MNAT1: variants seen among roughly 807,000 people sequenced by gnomAD.
The protein encoded by MNAT1 is CDK-activating kinase assembly factor MAT1.
Under a neutral mutation model 42.0 loss-of-function variants are expected in MNAT1, and 43 were observed. The observed-to-expected ratio is 1.02, with a 90% CI of 0.80 to 1.32. The LOEUF is 1.32. Ranked by LOEUF, MNAT1 falls within the 40% of genes most tolerant of loss-of-function variation. The probability of loss-of-function intolerance (pLI) is 0.00; values close to 1 mark genes in which losing one functional copy is unlikely to be tolerated. For synonymous variants in MNAT1, 118 were observed against 120.0 expected, an observed-to-expected ratio of 0.98 and a Z score of 0.11; for missense variants, 306 against 350.4, an observed-to-expected ratio of 0.87 and a Z score of 1.01.
intron 7 of MNAT1, among the ~76,000 whole-genome samples, chr14:60,931,884 T>C (rs2035893425): frequency 6.6e-6 from 1 of 152,038 alleles, no homozygotes; most frequent in Non-Finnish European, 1.5e-5. Flanking sequence ...GAATTAATTA[T>C]ATACTCCCTT....
At chr14:60,744,897 G>GT (rs1214443970) in intron 1 of MNAT1, among the ~76,000 whole-genome samples, 1 of 152,080 alleles carries the variant, frequency 6.6e-6, no homozygotes, top group Non-Finnish European at 1.5e-5. Context: ...GGGAACTCTA[G>GT]GTATACCCAG....
At chr14:60,921,571 A>T (rs972954684) in intron 7 of MNAT1, among the ~76,000 whole-genome samples, 15 of 152,156 alleles carry the variant, frequency 9.9e-5, no homozygotes, top group Admixed American at 2.6e-4. Flanking sequence ...GTCTTAAGTT[A>T]GGAAGCCACT....
intron 6 of MNAT1, among the ~76,000 whole-genome samples, chr14:60,828,472 A>G (rs2033118178): frequency 6.6e-6 from 1 of 151,984 alleles, no homozygotes; most frequent in South Asian, 2.1e-4. Flanking sequence ...TAGGAAAAAA[A>G]CAACTCATTT....
At chr14:60,909,796 T>A (rs556023285) in intron 7 of MNAT1, among the ~76,000 whole-genome samples, 2 of 152,288 alleles carry the variant, frequency 1.3e-5, no homozygotes, top group Admixed American at 1.3e-4. Context: ...AGGATTGACT[T>A]GGCGATGCGG....
chr14:60,914,186 AG>A lies in MNAT1; in HGVS notation c.809+34354del, dbSNP rs367807469. On this transcript the variant is annotated intron_variant, in intron 7 of 7. Coordinates refer to ENST00000261245, the MANE Select transcript of MNAT1 (RefSeq NM_002431.4). ...AAGCCTGTTGGAAGAGCGCAGTATT[AG>A]GGTGGGAGTGACCCAATTTTCCAGG... Among the ~76,000 whole-genome samples the A allele has an allele frequency of 5.2e-3, 780 of 151,410 alleles. 14 individuals carry two copies. Among genetic ancestry groups the A allele is most frequent in the African/African-American group, 0.018 (732 of 41,244 alleles).
intron 5 of MNAT1, among the ~76,000 whole-genome samples, chr14:60,813,150 A>G (rs933534737): frequency 1.3e-5 from 2 of 152,232 alleles, no homozygotes; most frequent in Non-Finnish European, 2.9e-5. Flanking sequence ...TTGAGGCAAC[A>G]TGCCTGGTCT....
intron 1 of MNAT1, chr14:60,779,945 T>G (rs1401011947): frequency 7.0e-7 from 1 of 1,438,482 alleles, no homozygotes; most frequent in African/African-American, 1.4e-5. Flanking sequence ...AGCGCGTGCC[T>G]TTGTTTGTGT....
chr14:60,745,503 G>T (rs1013719186), intron 1 of MNAT1, among the ~76,000 whole-genome samples: 3 of 152,130 alleles, frequency 2.0e-5, no homozygotes, highest in African/African-American at 7.2e-5. Context: ...TGCAACCTTT[G>T]CCTCCCGGGT....
At chr14:60,815,515 G>A (rs992639865) in intron 5 of MNAT1, among the ~76,000 whole-genome samples, 9 of 152,176 alleles carry the variant, frequency 5.9e-5, no homozygotes, top group Admixed American at 3.3e-4. Context: ...GCGCCCAGCC[G>A]CATATTCTTT....
At chr14:60,968,162 C>A in intron 7 of MNAT1, 67 bp from the exon 8 acceptor site, 1 of 1,219,576 alleles carries the variant, frequency 8.2e-7, no homozygotes, top group Non-Finnish European at 1.2e-6. Flanking sequence ...TTTACTATTG[C>A]TTTTTAAAAT....
intron 3 of MNAT1, among the ~76,000 whole-genome samples, chr14:60,803,656 T>A (rs1449973587): frequency 6.6e-6 from 1 of 152,152 alleles, no homozygotes; most frequent in Non-Finnish European, 1.5e-5. Flanking sequence ...GAACTCGATC[T>A]TATAGGTAGA....
At chr14:60,880,167 A>G (rs1273121350) in intron 7 of MNAT1, 1 of 173,718 alleles carries the variant, frequency 5.8e-6, no homozygotes, top group Non-Finnish European at 1.2e-5. Context: ...AGCCAATAAA[A>G]ATATGAATTG....
At chr14:60,769,664 G>GT (rs1000403672) in intron 1 of MNAT1, among the ~76,000 whole-genome samples, 10 of 151,620 alleles carry the variant, frequency 6.6e-5, no homozygotes, top group Admixed American at 1.3e-4. Context: ...AAAAAAATTT[G>GT]TTTTTTTTAG....
chr14:60,965,016 G>T (rs1486925935), intron 7 of MNAT1, among the ~76,000 whole-genome samples: 2 of 152,156 alleles, frequency 1.3e-5, no homozygotes, highest in East Asian at 3.9e-4. Context: ...GGTTGCCGTG[G>T]TGAAAATAGT....
intron 1 of MNAT1, among the ~76,000 whole-genome samples, chr14:60,752,358 T>C (rs1444691645): frequency 6.6e-6 from 1 of 152,238 alleles, no homozygotes; most frequent in African/African-American, 2.4e-5. Context: ...TTTTTAATAT[T>C]TGCATTTTTT....
At chr14:60,806,747 A>G (rs1186771059) in intron 3 of MNAT1, among the ~76,000 whole-genome samples, 2 of 152,088 alleles carry the variant, frequency 1.3e-5, no homozygotes, top group Non-Finnish European at 2.9e-5. Flanking sequence ...TGGATCTGGT[A>G]GATGTTGAGG....
intron 1 of MNAT1, among the ~76,000 whole-genome samples, chr14:60,770,093 T>A (rs2030994563): frequency 3.3e-5 from 5 of 152,230 alleles, no homozygotes; most frequent in Admixed American, 3.3e-4. Context: ...TAATTTTCCC[T>A]TCTTTTCTGC....
chr14:60,847,262 G>A (rs1242400968), intron 6 of MNAT1, among the ~76,000 whole-genome samples: 1 of 152,014 alleles, frequency 6.6e-6, no homozygotes, highest in Non-Finnish European at 1.5e-5. Context: ...AAATTAGCTG[G>A]GTGTGTTGGC....
At chr14:60,778,565 A>T (rs1214079874) in intron 1 of MNAT1, among the ~76,000 whole-genome samples, 1 of 152,184 alleles carries the variant, frequency 6.6e-6, no homozygotes, top group Non-Finnish European at 1.5e-5. Context: ...CCACTATCTG[A>T]GGACTTACAG....
Sources: allele counts gnomAD v4.1 joint callset (sites outside exome capture counted in the v4.1 genomes callset), GRCh38; gene constraint gnomAD v4.1.1; transcripts MANE v1.5; gene names NCBI Gene and HGNC (gene_info 2026-07-23, HGNC 2026-07-21).